PENK: variants seen among roughly 807,000 people sequenced by gnomAD.
The protein encoded by PENK is proenkephalin-A.
Under a neutral mutation model 24.1 loss-of-function variants are expected in PENK, and 25 were observed. The ratio of observed to expected loss-of-function variants is 1.04; its 90% CI spans 0.76 to 1.45. The LOEUF (loss-of-function observed/expected upper bound fraction) is 1.45, where lower values mean the gene tolerates loss of function less well. PENK is among the 40% of genes most tolerant of loss of function. The pLI, the probability that PENK is intolerant of heterozygous loss-of-function variation, is 0.00. For synonymous variants in PENK, 135 were observed against 130.3 expected, an observed-to-expected ratio of 1.04 and a Z score of -0.24; for missense variants, 353 against 337.9, an observed-to-expected ratio of 1.04 and a Z score of -0.35.
intron 3 of PENK, chr8:56,444,010 C>T: frequency 4.3e-6 from 3 of 701,878 alleles, no homozygotes; most frequent in East Asian, 2.7e-5. Flanking sequence ...TCTTCTCCTC[C>T]CCCACAATCC....
chr8:56,445,497 T>G, intron 3 of PENK: 1 of 586,650 alleles, frequency 1.7e-6, no homozygotes, highest in Non-Finnish European at 3.0e-6. Flanking sequence ...AACCCAGTGC[T>G]ATCCGAGGTG....
rs768595030 is a variant in PENK at position 56,445,858 on chromosome 8, C to A, written c.96G>T (p.Thr32=). ...CCGGGCGCACTAGGCGGTAGCTGCACGTCGCGCAATCCTGGCTGCATTCGG... is the reference window on the plus strand; with the variant it reads ...CCGGGCGCACTAGGCGGTAGCTGCAAGTCGCGCAATCCTGGCTGCATTCGG... ...VRAECSQDCA[T]CSYRLVRPAD... The change falls in exon 3 of 4, where the codon ACG becomes ACT. Residue 32 remains threonine, a synonymous_variant. Transcript: ENST00000451791. The A allele has an allele frequency of 6.2e-7, 1 of 1,613,334 alleles. No homozygotes were observed.
rs1300641532 is a variant in PENK, at chr8:56,441,140, GTA to G, written c.*130_*131del. 1.5e-6 allele frequency: 1 copy of G among 685,714 alleles called. No homozygotes were observed. The highest frequency in any genetic ancestry group is 2.5e-6 in the Non-Finnish European group (1 of 396,296). 42.5% of individuals were successfully genotyped at this position (685,714 alleles called of 1,614,324 possible). ...AACCTGAAATGACAGTTTTCAGGTT[GTA>G]TAGTTATCCAGACAATGAAGTCAAC... On this transcript the variant is annotated 3_prime_UTR_variant, in exon 4 of 4. Transcript: ENST00000451791.
intron 3 of PENK, chr8:56,443,960 T>C (rs1804604747): frequency 2.8e-6 from 2 of 702,106 alleles, no homozygotes; most frequent in African/African-American, 1.7e-5. Context: ...AACAAGAGCA[T>C]AAAAAGCAGT....
At chr8:56,446,137 G>C in intron 2 of PENK, 181 bp from the exon 3 acceptor site, 1 of 638,130 alleles carries the variant, frequency 1.6e-6, no homozygotes, top group Non-Finnish European at 2.6e-6. Flanking sequence ...AGGCGACTCA[G>C]ATCGCCTCGC....
chr8:56,443,828 G>A, intron 3 of PENK: 1 of 552,398 alleles, frequency 1.8e-6, no homozygotes, highest in South Asian at 2.7e-5. Flanking sequence ...TATGCAAAAT[G>A]CCTTTCTATA....
In PENK at chr8:56,441,704, T is replaced by G; in HGVS notation, c.372A>C (p.Glu124Asp). ...CGAGGATCTCACTTCCATTGGCCTCTTCTTCTGGCTCCATGGGATAAAGCT... is the reference window on the plus strand; with the variant it reads ...CGAGGATCTCACTTCCATTGGCCTCGTCTTCTGGCTCCATGGGATAAAGCT... Reference protein sequence around the residue: ...MDELYPMEPEEEANGSEILAK... With the variant: ...MDELYPMEPEDEANGSEILAK... Residue 124 changes from glutamate (E) to aspartate (D), a missense_variant, in exon 4 of 4, where the codon GAA becomes GAC. Physicochemically the swap from Glu to Asp is conservative, Grantham distance 45. Transcript: ENST00000451791. 1.9e-6 allele frequency: 3 copies of G among 1,613,754 alleles called. No homozygotes were observed. Among genetic ancestry groups the G allele is most frequent in the Non-Finnish European group, 2.5e-6 (3 of 1,179,918 alleles).
chr8:56,445,525 C>A, intron 3 of PENK: 2 of 600,678 alleles, frequency 3.3e-6, no homozygotes, highest in South Asian at 3.9e-5. Flanking sequence ...GAGGACTTCT[C>A]GGGGTTCCCG....
Position 56,441,568 on chromosome 8 carries a change from T to C in PENK, c.508A>G (p.Ser170Gly). Reference sequence around the variant, plus strand: ...TTATCACTGCCATCCTGGTGGTGGCTACGCTCTCGGTTGTCCCCTGTTTCC... The same window carrying C: ...TTATCACTGCCATCCTGGTGGTGGCCACGCTCTCGGTTGTCCCCTGTTTCC... ...LLETGDNRER[S>G]HHQDGSDNEE... The change falls in exon 4 of 4, where the codon AGC (serine) becomes GGC (glycine). Residue 170 changes from serine (S) to glycine (G), a missense_variant. Ser to Gly is a moderately conservative substitution (Grantham distance 56). Transcript: ENST00000451791. 6.2e-7 allele frequency: 1 copy of C among 1,613,946 alleles called. No individual in the cohort carries two copies. The highest frequency in any genetic ancestry group is 8.5e-7 in the Non-Finnish European group (1 of 1,180,000).
chr8:56,443,799 T>C, intron 3 of PENK: 2 of 520,640 alleles, frequency 3.8e-6, no homozygotes, highest in Non-Finnish European at 3.4e-6. Flanking sequence ...AAATGTAGGG[T>C]CCAATGCAAA....
At chr8:56,445,722 A>G (rs568142774) in intron 3 of PENK, 94 bp downstream of exon 3, 12 of 1,544,302 alleles carry the variant, frequency 7.8e-6, no homozygotes, top group Admixed American at 1.7e-5. Context: ...GCGAACCGCC[A>G]TACGCGCCGC....
chr8:56,441,114 G>A lies in PENK; in HGVS notation c.*158C>T. ...GCTTAAAGACTCCAAAAAGAGCACA[G>A]AACCTGAAATGACAGTTTTCAGGTT... On this transcript the variant is annotated 3_prime_UTR_variant, in exon 4 of 4. Coordinates refer to ENST00000451791, the MANE Select transcript of PENK (RefSeq NM_001135690.3). The A allele has an allele frequency of 1.6e-6, 1 of 636,528 alleles. No homozygotes were observed. Among genetic ancestry groups the A allele is most frequent in the South Asian group, 2.2e-5 (1 of 45,640 alleles). 39.4% of individuals were successfully genotyped at this position (636,528 alleles called of 1,614,324 possible).
At position 56,441,786 on chromosome 8, in the gene PENK, G is replaced by T. The variant is rs1804563712; in HGVS notation, c.290C>A (p.Ala97Asp). 1.2e-6 allele frequency: 2 copies of T among 1,613,984 alleles called. No homozygotes were observed. Among genetic ancestry groups the T allele is most frequent in the Non-Finnish European group, 8.5e-7 (1 of 1,180,010 alleles). ...TTTCATGAAGCCCCCATACCTTTTGGCTAGCAAATGGCTTTCTTCCGGTTT... is the reference window on the plus strand; with the variant it reads ...TTTCATGAAGCCCCCATACCTTTTGTCTAGCAAATGGCTTTCTTCCGGTTT... ...NSKPEESHLLAKRYGGFMKRY... is the reference protein window; with the variant it reads ...NSKPEESHLLDKRYGGFMKRY... The change falls in exon 4 of 4, where the codon GCC becomes GAC. Residue 97 changes from alanine (A) to aspartate (D), a missense_variant. Physicochemically the swap from Ala to Asp is moderately radical, Grantham distance 126 (BLOSUM62 -2). Coordinates refer to ENST00000451791, the MANE Select transcript of PENK (RefSeq NM_001135690.3).
Position 56,441,964 on chromosome 8 carries a change from A to G in PENK, c.139-27T>C, listed in dbSNP as rs371341831. 51 of 1,556,636 alleles carry G rather than the reference A, an allele frequency of 3.3e-5. No homozygotes were observed. In the East Asian group the frequency reaches 6.1e-4, roughly 19 times the overall value. On this transcript the variant is annotated intron_variant, in intron 3 of 3. Coordinates refer to ENST00000451791, the MANE Select transcript of PENK (RefSeq NM_001135690.3). ...TGGGAAAACAATTTGATGTAATGAT[A>G]AAAAGAAGCTTCTGTGATTTCATTA...
intron 3 of PENK, 125 bp downstream of exon 3, chr8:56,445,691 C>T: frequency 7.9e-7 from 1 of 1,263,900 alleles, no homozygotes; most frequent in South Asian, 1.2e-5. Flanking sequence ...CGGGCTCGCG[C>T]CGCTGCGGCT....
intron 3 of PENK, among the ~76,000 whole-genome samples, chr8:56,444,940 G>GT (rs1804625931): frequency 6.6e-6 from 1 of 152,216 alleles, no homozygotes; most frequent in South Asian, 2.1e-4. Flanking sequence ...GAGTCTCGAG[G>GT]TTGGAGATTC....
At chr8:56,446,199 G>T (rs539968401) in intron 2 of PENK, 189 of 527,682 alleles carry the variant, frequency 3.6e-4, no homozygotes, top group Non-Finnish European at 3.7e-5. Flanking sequence ...TGGGGCACCC[G>T]GCTCTTTTCC....
chr8:56,445,746 G>A (rs1227761692), intron 3 of PENK, 70 bp downstream of exon 3: 2 of 1,598,358 alleles, frequency 1.3e-6, no homozygotes, highest in Non-Finnish European at 8.6e-7. Flanking sequence ...GTGGGCCGGA[G>A]GCAGTCCGCG....
In PENK at chr8:56,441,598, G is replaced by A. The variant is rs1482034552; in HGVS notation, c.478C>T (p.Leu160Phe). The stretch of plus-strand genomic sequence containing the variant: ...TCTCGGTTGTCCCCTGTTTCCAGAA[G>A]CTCTTTTAGCAGGTCTGAGGAATTG... ...LANSSDLLKE[L>F]LETGDNRERS... Residue 160 changes from leucine to phenylalanine, a missense_variant, in exon 4 of 4, where the codon CTT becomes TTT. Transcript: ENST00000451791. 1.2e-5 allele frequency: 20 copies of A among 1,613,976 alleles called. No individual in the cohort carries two copies. The highest frequency in any genetic ancestry group is 1.7e-5 in the Admixed American group (1 of 60,006).
Sources: gnomAD v4.1 joint callset for allele counts (sites outside exome capture counted in the v4.1 genomes callset) on GRCh38, gnomAD v4.1.1 for gene constraint, MANE v1.5 for transcripts, NCBI Gene and HGNC (gene_info 2026-07-23, HGNC 2026-07-21) for gene names.